Variants in PTCHD4 observed in about 807,000 individuals in gnomAD.
PTCHD4 encodes the protein patched domain containing 4.
Under a neutral mutation model 58.1 loss-of-function variants are expected in PTCHD4, and 33 were observed. That is an observed-to-expected ratio of 0.57 (90% CI 0.43 to 0.76). The LOEUF is 0.76. PTCHD4 is among the 30% of genes least tolerant of loss of function. The pLI is 0.00. For synonymous variants in PTCHD4, 478 were observed against 409.6 expected (o/e 1.17, Z -2.02); for missense variants, 1,058 against 1,027.1 (o/e 1.03, Z -0.41).
At chr6:48,051,662 A>G (rs1440752100) in intron 3 of PTCHD4, among the ~76,000 whole-genome samples, 2 of 151,988 alleles carry the variant, frequency 1.3e-5, no homozygotes, top group Non-Finnish European at 2.9e-5. Context: ...TTGGGATTTT[A>G]TGCTGACTTC....
At chr6:47,921,507 C>G (rs191879548) in intron 4 of PTCHD4, among the ~76,000 whole-genome samples, 12 of 152,298 alleles carry the variant, frequency 7.9e-5, no homozygotes, top group African/African-American at 2.4e-4. Flanking sequence ...TTCTCACTCT[C>G]TTTTGCAGCT....
At chr6:48,094,741 A>C (rs1765428481) in intron 1 of PTCHD4, among the ~76,000 whole-genome samples, 1 of 152,346 alleles carries the variant, frequency 6.6e-6, no homozygotes, top group East Asian at 1.9e-4. Context: ...AATGTGAGTA[A>C]ATATAATGAT....
chr6:47,891,273 G>T (rs1329314717), intron 4 of PTCHD4, among the ~76,000 whole-genome samples: 2 of 150,260 alleles, frequency 1.3e-5, no homozygotes, highest in Non-Finnish European at 3.0e-5. Flanking sequence ...GCCTCTGAGG[G>T]CTGGGTGCTG....
At chr6:48,084,765 G>A (rs1382779689) in intron 1 of PTCHD4, among the ~76,000 whole-genome samples, 22 of 136,170 alleles carry the variant, frequency 1.6e-4, no homozygotes, top group Middle Eastern at 4.3e-3. Context: ...ACAGAGTCTC[G>A]CTTGGTCTCC....
chr6:48,050,038 G>T (rs959753994), intron 3 of PTCHD4, among the ~76,000 whole-genome samples: 5 of 151,832 alleles, frequency 3.3e-5, no homozygotes, highest in African/African-American at 4.8e-5. Flanking sequence ...TGAAAACTAG[G>T]TATCAACATG....
chr6:48,094,129 A>G (rs1765417161), intron 1 of PTCHD4, among the ~76,000 whole-genome samples: 1 of 152,214 alleles, frequency 6.6e-6, no homozygotes, highest in Non-Finnish European at 1.5e-5. Context: ...AATGGTTGGT[A>G]AAAATCGGAC....
chr6:48,054,056 G>A (rs1017335295), intron 3 of PTCHD4, among the ~76,000 whole-genome samples: 3 of 152,126 alleles, frequency 2.0e-5, no homozygotes, highest in South Asian at 2.1e-4. Flanking sequence ...TCTCAATTTC[G>A]CTATCCACTG....
chr6:47,879,706 A>G lies in PTCHD4; in HGVS notation c.1129T>C (p.Phe377Leu). 1.2e-6 allele frequency: 2 copies of G among 1,613,674 alleles called. No homozygotes were observed. Among genetic ancestry groups the G allele is most frequent in the South Asian group, 1.1e-5 (1 of 91,070 alleles). Residue 377 changes from phenylalanine (F) to leucine (L), a missense_variant, in exon 5 of 5, where the codon TTC (phenylalanine) becomes CTC (leucine). By Grantham distance (22) the Phe-to-Leu change is conservative. Coordinates refer to ENST00000339488, the MANE Select transcript of PTCHD4 (RefSeq NM_001384253.1). The part of the protein sequence containing the change: ...NMCVSILLNY[F>L]YIFSFFGSCL... Reference sequence around the variant, plus strand: ...GAGCCAAAGAAGGAGAAAATGTAGAAGTAGTTCAACAGAATAGAGACACAC... The same window carrying G: ...GAGCCAAAGAAGGAGAAAATGTAGAGGTAGTTCAACAGAATAGAGACACAC...
At chr6:47,910,959 C>T (rs1036593654) in intron 4 of PTCHD4, among the ~76,000 whole-genome samples, 1 of 152,110 alleles carries the variant, frequency 6.6e-6, no homozygotes, top group Non-Finnish European at 1.5e-5. Flanking sequence ...AGCACATCTT[C>T]TTAGTGAAGC....
At chr6:47,911,513 A>G (rs960387183) in intron 4 of PTCHD4, among the ~76,000 whole-genome samples, 6 of 152,128 alleles carry the variant, frequency 3.9e-5, no homozygotes, top group Admixed American at 2.0e-4. Context: ...TTTTCCATAT[A>G]GGACCTTGTG....
At chr6:47,900,607 T>C (rs1764665156) in intron 4 of PTCHD4, 1 of 152,220 alleles carries the variant, frequency 6.6e-6, no homozygotes, top group Admixed American at 6.5e-5. Context: ...AAGTACAACT[T>C]TTAAGTTCAT....
chr6:47,924,729 T>G (rs909615020), intron 4 of PTCHD4, among the ~76,000 whole-genome samples: 1 of 152,136 alleles, frequency 6.6e-6, no homozygotes, highest in Admixed American at 6.6e-5. Flanking sequence ...TCAAAACCAG[T>G]TGAGAGCAGA....
chr6:47,871,767 T>A lies in PTCHD4; in HGVS notation c.*6536A>T, dbSNP rs763391982. Among the ~76,000 whole-genome samples, 5 of 151,674 alleles carry A rather than the reference T, an allele frequency of 3.3e-5. No individual in the cohort carries two copies. Among genetic ancestry groups the A allele is most frequent in the Non-Finnish European group, 7.4e-5 (5 of 67,742 alleles). ...AGGTAGCTTGGAGAGATCTCTGCCC[T>A]TTTCAATCTGTGACAGATTTCCTAG... On this transcript the variant is annotated 3_prime_UTR_variant, in exon 5 of 5. Transcript: ENST00000339488.
At chr6:47,886,904 T>A (rs1764210160) in intron 4 of PTCHD4, among the ~76,000 whole-genome samples, 1 of 152,216 alleles carries the variant, frequency 6.6e-6, no homozygotes. Flanking sequence ...CTTAGACATC[T>A]CTGCCCTGTA....
chr6:47,922,054 C>T (rs552719303), intron 4 of PTCHD4, among the ~76,000 whole-genome samples: 1 of 151,742 alleles, frequency 6.6e-6, no homozygotes, highest in African/African-American at 2.4e-5. Context: ...GGGAGGATTG[C>T]TTGAGCCCAG....
In PTCHD4 at chr6:47,871,907, C is replaced by G. The variant is rs1175406765; in HGVS notation, c.*6396G>C. 1.3e-5 allele frequency among the ~76,000 whole-genome samples: 2 copies of G among 151,512 alleles called. No individual in the cohort carries two copies. Among genetic ancestry groups the G allele is most frequent in the Non-Finnish European group, 3.0e-5 (2 of 67,700 alleles). On this transcript the variant is annotated 3_prime_UTR_variant, in exon 5 of 5. Coordinates refer to ENST00000339488, the MANE Select transcript of PTCHD4 (RefSeq NM_001384253.1). ...ATATTTGCATTGACTAGTTTAAGGT[C>G]TAGTTTATCAGTTTGTAGCACATTT... is the stretch of plus-strand genomic sequence containing the variant.
chr6:47,924,598 G>A (rs1349490784), intron 4 of PTCHD4, among the ~76,000 whole-genome samples: 2 of 152,072 alleles, frequency 1.3e-5, no homozygotes, highest in Non-Finnish European at 2.9e-5. Context: ...CAGACATGAG[G>A]TATGTGATGC....
At chr6:47,918,282 T>A (rs945244355) in intron 4 of PTCHD4, among the ~76,000 whole-genome samples, 1 of 152,174 alleles carries the variant, frequency 6.6e-6, no homozygotes, top group African/African-American at 2.4e-5. Flanking sequence ...GCATAGTTAA[T>A]GTAGTAAAGA....
intron 4 of PTCHD4, among the ~76,000 whole-genome samples, chr6:47,917,910 G>T (rs1765309658): frequency 6.6e-6 from 1 of 152,142 alleles, no homozygotes; most frequent in Admixed American, 6.5e-5. Context: ...CAGTTGAGCA[G>T]AATTTCATCT....
Sources: gnomAD v4.1 joint callset for allele counts (sites outside exome capture counted in the v4.1 genomes callset) on GRCh38, gnomAD v4.1.1 for gene constraint, MANE v1.5 for transcripts, NCBI Gene and HGNC (gene_info 2026-07-23, HGNC 2026-07-21) for gene names.